Variants in HTR1E observed in about 807,000 individuals in gnomAD.
The protein encoded by HTR1E is 5-HT-1E.
Under a neutral mutation model 3.4 loss-of-function variants are expected in HTR1E, and 3 were observed. The observed-to-expected ratio is 0.89, with a 90% CI of 0.41 to 2.31. The LOEUF is 2.31. Ranked by LOEUF, HTR1E falls within the 30% of genes most tolerant of loss-of-function variation. The probability of loss-of-function intolerance (pLI) is 0.05; values close to 1 mark genes in which losing one functional copy is unlikely to be tolerated. For missense variants in HTR1E, 392 were observed against 467.0 expected (o/e 0.84, Z 1.48); for synonymous variants, 170 against 182.8 (o/e 0.93, Z 0.56).
At chr6:87,009,821 CGGGCGGGGGG>C (rs1768177287) in intron 1 of HTR1E, among the ~76,000 whole-genome samples, 1 of 116,696 alleles carries the variant, frequency 8.6e-6, no homozygotes, top group African/African-American at 3.9e-5. Context: ...GGCGGCTGGC[CGGGCGGGGGG>C]ACTGACCCCC....
At chr6:86,956,853 GA>G (rs1767333108) in intron 1 of HTR1E, among the ~76,000 whole-genome samples, 1 of 152,184 alleles carries the variant, frequency 6.6e-6, no homozygotes, top group Admixed American at 6.5e-5. Context: ...TTTTAAATAA[GA>G]ACAACTCCAC....
At chr6:86,978,781 A>G (rs1422434967) in intron 1 of HTR1E, among the ~76,000 whole-genome samples, 3 of 152,232 alleles carry the variant, frequency 2.0e-5, no homozygotes, top group Non-Finnish European at 4.4e-5. Flanking sequence ...CTGCAGAAAG[A>G]AATCTGAAAA....
chr6:87,007,219 G>T (rs1253118049), intron 1 of HTR1E, among the ~76,000 whole-genome samples: 1 of 152,142 alleles, frequency 6.6e-6, no homozygotes, highest in Non-Finnish European at 1.5e-5. Flanking sequence ...AATAAGCCAG[G>T]CACAGGAAGA....
chr6:86,937,632 G>T lies in HTR1E; in HGVS notation c.-377G>T, dbSNP rs767112479. 2 of 152,826 alleles carry T rather than the reference G, an allele frequency of 1.3e-5. No homozygotes were observed. Among genetic ancestry groups the T allele is most frequent in the African/African-American group, 2.4e-5 (1 of 41,462 alleles). 9.5% of individuals were successfully genotyped at this position (152,826 alleles called of 1,614,324 possible). On this transcript the variant is annotated 5_prime_UTR_variant, in exon 1 of 2. Transcript: ENST00000305344. ...GGTTCTGTCTCGCCGCACCCCGGCG[G>T]GCACTGGCGCGGGCAAGGACGCTGG...
At chr6:86,954,833 T>C (rs572641336) in intron 1 of HTR1E, among the ~76,000 whole-genome samples, 1 of 152,296 alleles carries the variant, frequency 6.6e-6, no homozygotes, top group African/African-American at 2.4e-5. Flanking sequence ...TTGAAAGCAA[T>C]ATTTAATGGA....
Position 87,015,319 on chromosome 6 carries a change from C to G in HTR1E, c.-16C>G, listed in dbSNP as rs748320417. The G allele has an allele frequency of 7.8e-6, 12 of 1,529,830 alleles. No homozygotes were observed. Among genetic ancestry groups the G allele is most frequent in the Non-Finnish European group, 1.1e-5 (12 of 1,134,918 alleles). 94.8% of individuals were successfully genotyped at this position (1,529,830 alleles called of 1,614,324 possible). A position where few individuals can be genotyped will look rare whatever the true frequency, so the allele number is the denominator to read the frequency against. On this transcript the variant is annotated 5_prime_UTR_variant, in exon 2 of 2. Transcript: ENST00000305344. ...ACCAACAGCTTCTCCACAGTGTAGA[C>G]TGAAACAAGGGAAACATGAACATCA...
chr6:86,943,593 A>G (rs2127815539), intron 1 of HTR1E, among the ~76,000 whole-genome samples: 1 of 152,302 alleles, frequency 6.6e-6, no homozygotes, highest in Admixed American at 6.5e-5. Context: ...GTGATGTCAA[A>G]CTGCACCTTG....
intron 1 of HTR1E, among the ~76,000 whole-genome samples, chr6:87,004,727 TG>T (rs1768077250): frequency 6.6e-6 from 1 of 152,130 alleles, no homozygotes. Flanking sequence ...AACATAGTGC[TG>T]GAAGTCCTAG....
At chr6:86,987,305 T>G (rs1002720478) in intron 1 of HTR1E, among the ~76,000 whole-genome samples, 1 of 152,266 alleles carries the variant, frequency 6.6e-6, no homozygotes, top group East Asian at 1.9e-4. Context: ...ATACTGTATA[T>G]AAAAAGCTAG....
chr6:86,944,751 T>C (rs1768591442), intron 1 of HTR1E, among the ~76,000 whole-genome samples: 1 of 152,212 alleles, frequency 6.6e-6, no homozygotes, highest in Non-Finnish European at 1.5e-5. Flanking sequence ...ACCACATATA[T>C]GACAGTGGTC....
At chr6:86,944,697 T>C (rs193255330) in intron 1 of HTR1E, among the ~76,000 whole-genome samples, 8 of 152,280 alleles carry the variant, frequency 5.3e-5, no homozygotes, top group Admixed American at 1.3e-4. Flanking sequence ...AAATAGATAA[T>C]AGACAGCCAT....
intron 1 of HTR1E, among the ~76,000 whole-genome samples, chr6:86,998,169 A>G (rs1767971490): frequency 6.6e-6 from 1 of 152,118 alleles, no homozygotes; most frequent in Non-Finnish European, 1.5e-5. Flanking sequence ...AATTTCCTCA[A>G]TAATTGACAG....
intron 1 of HTR1E, among the ~76,000 whole-genome samples, chr6:86,982,242 A>C (rs1362826478): frequency 6.6e-6 from 1 of 152,180 alleles, no homozygotes; most frequent in African/African-American, 2.4e-5. Context: ...CCAATTATCT[A>C]AACACCCTAC....
chr6:86,974,054 A>AACCCT (rs1767596179), intron 1 of HTR1E, among the ~76,000 whole-genome samples: 1 of 151,674 alleles, frequency 6.6e-6, no homozygotes, highest in Non-Finnish European at 1.5e-5. Flanking sequence ...TTCTCCACAA[A>AACCCT]ACCCTTCTAT....
At chr6:86,998,795 T>A (rs1347781463) in intron 1 of HTR1E, among the ~76,000 whole-genome samples, 1 of 151,706 alleles carries the variant, frequency 6.6e-6, no homozygotes, top group African/African-American at 2.4e-5. Context: ...TTTAAAAAGA[T>A]CAATAAAATT....
At chr6:86,969,021 T>C (rs73753622) in intron 1 of HTR1E, among the ~76,000 whole-genome samples, 9,373 of 152,256 alleles carry the variant, frequency 0.062, 387 homozygotes, top group East Asian at 0.12. Flanking sequence ...CCCAACTCTA[T>C]TCATGAATAA....
At chr6:86,995,095 A>G (rs1011923783) in intron 1 of HTR1E, among the ~76,000 whole-genome samples, 3 of 152,078 alleles carry the variant, frequency 2.0e-5, no homozygotes, top group Non-Finnish European at 4.4e-5. Context: ...ACAAATGAAA[A>G]CCAAAAAATA....
chr6:87,014,489 C>A (rs1194790750), intron 1 of HTR1E, among the ~76,000 whole-genome samples: 1 of 152,044 alleles, frequency 6.6e-6, no homozygotes, highest in African/African-American at 2.4e-5. Context: ...TTATTCTACT[C>A]TAAAGACACA....
At chr6:86,960,815 T>A (rs558180324) in intron 1 of HTR1E, among the ~76,000 whole-genome samples, 15 of 152,334 alleles carry the variant, frequency 9.8e-5, no homozygotes, top group African/African-American at 3.6e-4. Flanking sequence ...GCTGGCCATG[T>A]GGCCTCAGAT....
Sources: allele counts gnomAD v4.1 joint callset (sites outside exome capture counted in the v4.1 genomes callset), GRCh38; gene constraint gnomAD v4.1.1; transcripts MANE v1.5; gene names NCBI Gene and HGNC (gene_info 2026-07-23, HGNC 2026-07-21).